The following NEMP2 variants were observed in gnomAD, a reference collection of about 807,000 sequenced individuals.
NEMP2 encodes UPF0571 transmembrane protein.
Under a neutral mutation model 54.2 loss-of-function variants are expected in NEMP2, and 53 were observed. The ratio of observed to expected loss-of-function variants is 0.98; its 90% CI spans 0.78 to 1.23. NEMP2 has a LOEUF of 1.23. Among genes scored for constraint, NEMP2 ranks in the 50% most tolerant of loss-of-function variants. The pLI, the probability that NEMP2 is intolerant of heterozygous loss-of-function variation, is 0.00. For synonymous variants in NEMP2, 197 were observed against 190.3 expected, an observed-to-expected ratio of 1.04 and a Z score of -0.29; for missense variants, 455 against 511.3, an observed-to-expected ratio of 0.89 and a Z score of 1.06.
the NEMP2 span, among the ~76,000 whole-genome samples, chr2:190,629,544 G>GC: frequency 2.6e-5 from 4 of 152,204 alleles, no homozygotes; most frequent in African/African-American, 7.2e-5. Flanking sequence ...TTGGGACAAT[G>GC]CCCCCCAAAA....
chr2:190,436,932 C>T, the NEMP2 span: 2 of 1,614,240 alleles, frequency 1.2e-6, no homozygotes, highest in Non-Finnish European at 1.7e-6. The surrounding 1 kb of genome is among the most constrained non-coding windows in gnomAD (Gnocchi z 5.3). Context: ...GAGAATTTTT[C>T]AGTGCCTCTT....
In NEMP2 at chr2:190,517,519, C is replaced by T; in HGVS notation, c.612+1G>A. ...TACTCATTTTCACATAGTATGCCTA[C>T]CTTCGGAATGAATCTTTTCACCAAC... On this transcript the variant is annotated splice_donor_variant, in intron 5 of 8. Coordinates refer to ENST00000409150, the MANE Select transcript of NEMP2 (RefSeq NM_001142645.2). LOFTEE classifies it high-confidence loss of function. 6.5e-7 allele frequency: 1 copy of T among 1,545,830 alleles called. No individual in the cohort carries two copies. The highest frequency in any genetic ancestry group is 2.5e-5 in the East Asian group (1 of 40,644).
At chr2:190,487,903 AT>A in the NEMP2 span, among the ~76,000 whole-genome samples, 21,987 of 151,554 alleles carry the variant, frequency 0.15, 1,798 homozygotes, top group Middle Eastern at 0.22. This position sits in a 1 kb window ranked among gnomAD's most constrained non-coding sequence, Gnocchi z 5.5. Flanking sequence ...AGTCAAAATA[AT>A]TTTTTTTTCT....
the NEMP2 span, among the ~76,000 whole-genome samples, chr2:190,470,338 T>TA: frequency 2.0e-5 from 3 of 152,222 alleles, no homozygotes; most frequent in East Asian, 1.9e-4. Context: ...CCATGAACTT[T>TA]AAAAAATCTC....
Position 190,533,773 on chromosome 2 carries a change from G to GA in NEMP2, c.97+785_97+786insT, listed in dbSNP as rs1691246307. Among the ~76,000 whole-genome samples, 1 of 132,862 alleles carries GA rather than the reference G, an allele frequency of 7.5e-6. No individual in the cohort carries two copies. The highest frequency in any genetic ancestry group is 1.6e-5 in the Non-Finnish European group (1 of 63,112). The allele number at this position is 132,862 out of a possible 152,430, so 87.2% of individuals were successfully genotyped here. On this transcript the variant is annotated intron_variant, in intron 1 of 8. Transcript: ENST00000409150. This position sits in a 1 kb window ranked among gnomAD's most constrained non-coding sequence, Gnocchi z 4.3. ...AAATCTTTTAAAAGATTTTATGAGG[G>GA]GAAAAAAAAAAAGAAACAGAAATGT...
the NEMP2 span, among the ~76,000 whole-genome samples, chr2:190,426,612 C>T: frequency 6.6e-6 from 1 of 152,160 alleles, no homozygotes; most frequent in Non-Finnish European, 1.5e-5. The surrounding 1 kb of genome is among the most constrained non-coding windows in gnomAD (Gnocchi z 4.7). Flanking sequence ...GGTAACTTTT[C>T]AGCCCTCATC....
downstream of NEMP2, chr2:190,501,786 AT>A (rs956547635): frequency 2.8e-4 from 43 of 152,746 alleles, no homozygotes; most frequent in African/African-American, 9.6e-4. Flanking sequence ...GCAAATAGTT[AT>A]TTTTTGCACT....
chr2:190,441,537 A>G, the NEMP2 span, among the ~76,000 whole-genome samples: 1 of 152,024 alleles, frequency 6.6e-6, no homozygotes, highest in Non-Finnish European at 1.5e-5. Context: ...CTCATGCAGC[A>G]TGTTTGTGTA....
At chr2:190,596,800 C>A in the NEMP2 span, among the ~76,000 whole-genome samples, 1 of 149,570 alleles carries the variant, frequency 6.7e-6, no homozygotes. The surrounding 1 kb of genome is among the most constrained non-coding windows in gnomAD (Gnocchi z 5.1). Flanking sequence ...TAAGAGAAAA[C>A]AACTAGATTT....
Position 190,530,804 on chromosome 2 carries a change from T to A in NEMP2, c.97+3755A>T, listed in dbSNP as rs572656245. ...GTTTCATTTATTCATGAGGCCCCAG[T>A]TATTGCTGGTTAATTCTACTAGGAT... On this transcript the variant is annotated intron_variant, in intron 1 of 8. Coordinates refer to ENST00000409150, the MANE Select transcript of NEMP2 (RefSeq NM_001142645.2). This position sits in a 1 kb window ranked among gnomAD's most constrained non-coding sequence, Gnocchi z 4.6. Among the ~76,000 whole-genome samples the A allele has an allele frequency of 2.0e-5, 3 of 152,324 alleles. No individual in the cohort carries two copies. The East Asian group carries it at 5.8e-4, about 29-fold the overall frequency.
At chr2:190,451,665 G>T in the NEMP2 span, among the ~76,000 whole-genome samples, 1 of 152,220 alleles carries the variant, frequency 6.6e-6, no homozygotes, top group Non-Finnish European at 1.5e-5. The surrounding 1 kb of genome is among the most constrained non-coding windows in gnomAD (Gnocchi z 5.0). Flanking sequence ...TGAGGAAGTG[G>T]CATTTGAGCA....
chr2:190,585,021 T>A, the NEMP2 span, among the ~76,000 whole-genome samples: 3 of 152,220 alleles, frequency 2.0e-5, no homozygotes, highest in Non-Finnish European at 4.4e-5. This position sits in a 1 kb window ranked among gnomAD's most constrained non-coding sequence, Gnocchi z 5.3. Flanking sequence ...ACTGTAGATG[T>A]TGATATCCCT....
At chr2:190,482,883 T>TG in the NEMP2 span, among the ~76,000 whole-genome samples, 1 of 35,760 alleles carries the variant, frequency 2.8e-5, no homozygotes, top group Non-Finnish European at 7.5e-5. Flanking sequence ...TTTTTTTTTT[T>TG]TTTTTTTTTT....
intron 5 of NEMP2, among the ~76,000 whole-genome samples, chr2:190,516,777 C>T (rs1200110184): frequency 1.3e-5 from 2 of 152,160 alleles, no homozygotes; most frequent in African/African-American, 4.8e-5. Context: ...TTATCCTCAA[C>T]TAAGTTCAGT....
the NEMP2 span, chr2:190,488,613 G>A: frequency 7.1e-7 from 1 of 1,404,096 alleles, no homozygotes; most frequent in Non-Finnish European, 9.4e-7. This position sits in a 1 kb window ranked among gnomAD's most constrained non-coding sequence, Gnocchi z 6.4. Context: ...AGTAGCCTAA[G>A]AAATGCTAAC....
At chr2:190,466,015 T>TCCGA in the NEMP2 span, among the ~76,000 whole-genome samples, 2 of 152,306 alleles carry the variant, frequency 1.3e-5, no homozygotes, top group South Asian at 4.1e-4. Context: ...AGGCAAAAAG[T>TCCGA]CCGAGATCAA....
the NEMP2 span, among the ~76,000 whole-genome samples, chr2:190,597,264 A>G: frequency 1.3e-5 from 1 of 74,094 alleles, no homozygotes; most frequent in African/African-American, 4.2e-5. This position sits in a 1 kb window ranked among gnomAD's most constrained non-coding sequence, Gnocchi z 4.7. Flanking sequence ...CTCTGTCTCC[A>G]AAAAAAAAAA....
chr2:190,534,566 C>CGCT lies in NEMP2; in HGVS notation c.87_89dup (p.Ala30dup), dbSNP rs749995871. The CGCT allele has an allele frequency of 4.2e-4, 586 of 1,401,270 alleles. No homozygotes were observed. Among genetic ancestry groups the CGCT allele is most frequent in the Non-Finnish European group, 5.3e-4 (572 of 1,082,210 alleles). 86.8% of individuals were successfully genotyped at this position (1,401,270 alleles called of 1,614,324 possible). A position where few individuals can be genotyped will look rare whatever the true frequency, so the allele number is the denominator to read the frequency against. On this transcript the variant is annotated inframe_insertion, in exon 1 of 9. Transcript: ENST00000409150. ...CCGCCGGTCCCGGGTTACCTGATAA[C>CGCT]GCTGCCGCCGCCGCCTCCCCGCGCA...
At chr2:190,428,647 ATGCT>A in the NEMP2 span, among the ~76,000 whole-genome samples, 14,732 of 147,558 alleles carry the variant, frequency 0.1, 817 homozygotes, top group South Asian at 0.17. Flanking sequence ...ACATTTAGAG[ATGCT>A]TGCTTATTTA....
Sources: gnomAD v4.1 joint callset for allele counts (sites outside exome capture counted in the v4.1 genomes callset) on GRCh38, gnomAD v4.1.1 for gene constraint, Gnocchi (gnomAD v3.1) non-coding constraint, MANE v1.5 for transcripts, NCBI Gene and HGNC (gene_info 2026-07-23, HGNC 2026-07-21) for gene names.